RAB3GAP1: variants seen among roughly 807,000 people sequenced by gnomAD.
The protein encoded by RAB3GAP1 is RAB3 GTPase activating protein catalytic subunit 1.
In RAB3GAP1, 86 loss-of-function variants were observed where a neutral mutation model predicts 130.7. The observed-to-expected ratio is 0.66, with a 90% CI of 0.55 to 0.79. The LOEUF is 0.79. Ranked by LOEUF, RAB3GAP1 falls within the 30% of genes least tolerant of loss-of-function variation. RAB3GAP1 has a pLI of 0.00. For missense variants in RAB3GAP1, 1,029 were observed against 1,169.4 expected (o/e 0.88, Z 1.75); for synonymous variants, 367 against 401.7 (o/e 0.91, Z 1.03).
At chr2:135,127,261 A>G (rs1277457000) in intron 11 of RAB3GAP1, among the ~76,000 whole-genome samples, 1 of 116,878 alleles carries the variant, frequency 8.6e-6, no homozygotes, top group Non-Finnish European at 1.8e-5. Context: ...TGCATCTTCT[A>G]TTTCTGTTAT....
At chr2:135,054,771 T>C (rs1358232769) in intron 2 of RAB3GAP1, among the ~76,000 whole-genome samples, 2 of 152,232 alleles carry the variant, frequency 1.3e-5, no homozygotes, top group African/African-American at 4.8e-5. Flanking sequence ...CATATGGAAA[T>C]AATTATTAAC....
chr2:135,086,553 T>TA (rs999609081), intron 3 of RAB3GAP1, among the ~76,000 whole-genome samples: 1 of 152,114 alleles, frequency 6.6e-6, no homozygotes, highest in Admixed American at 6.5e-5. Flanking sequence ...TTTTGCTCAT[T>TA]AAAAAATTTG....
chr2:135,168,716 A>T lies in RAB3GAP1; in HGVS notation c.2881A>T (p.Ser961Cys). 1 of 1,614,178 alleles carries T rather than the reference A, an allele frequency of 6.2e-7. No individual in the cohort carries two copies. Among genetic ancestry groups the T allele is most frequent in the South Asian group, 1.1e-5 (1 of 91,086 alleles). The change falls in exon 24 of 24, where the codon AGT (serine) becomes TGT (cysteine). Residue 961 changes from serine to cysteine, a missense_variant. By Grantham distance (112) the Ser-to-Cys change is moderately radical. Transcript: ENST00000264158. Reference sequence around the variant, plus strand: ...CAAAGCTCTGCCTCAGCGGATGTACAGTGTTCTCACCAAAGAGGACTTTAG... The same window carrying T: ...CAAAGCTCTGCCTCAGCGGATGTACTGTGTTCTCACCAAAGAGGACTTTAG... ...YSKALPQRMY[S>C]VLTKEDFRLA...
At chr2:135,070,411 A>C (rs1300692577) in intron 3 of RAB3GAP1, among the ~76,000 whole-genome samples, 1 of 152,224 alleles carries the variant, frequency 6.6e-6, no homozygotes, top group Non-Finnish European at 1.5e-5. Context: ...GAAGGACTTT[A>C]CCATGGTATA....
intron 18 of RAB3GAP1, among the ~76,000 whole-genome samples, chr2:135,151,955 A>G: frequency 6.6e-6 from 1 of 152,170 alleles, no homozygotes; most frequent in Non-Finnish European, 1.5e-5. Context: ...TTCCTCTAAC[A>G]CTGCACTTCA....
At chr2:135,154,459 C>G (rs1035123342) in intron 19 of RAB3GAP1, among the ~76,000 whole-genome samples, 6 of 150,614 alleles carry the variant, frequency 4.0e-5, no homozygotes, top group African/African-American at 1.5e-4. Context: ...GTAAATAAAT[C>G]CATGCATTCA....
rs1368370630 is a variant in RAB3GAP1, at chr2:135,117,642, TCTTCTG to T, written c.648+2273_648+2278del. Reference sequence around the variant, plus strand: ...TTCTGCTTCTTCTGCTTCTGCTTCTTCTTCTGCTTCTGCTTCTTCTGCTTCTGCTTC... The same window carrying T: ...TTCTGCTTCTTCTGCTTCTGCTTCTTCTTCTGCTTCTTCTGCTTCTGCTTC... On this transcript the variant is annotated intron_variant, in intron 7 of 23. Transcript: ENST00000264158. 1.6e-3 allele frequency among the ~76,000 whole-genome samples: 227 copies of T among 145,594 alleles called. 1 individual carries two copies. Among genetic ancestry groups the T allele is most frequent in the Non-Finnish European group, 2.9e-3 (190 of 66,494 alleles).
chr2:135,082,521 A>G (rs941032721), intron 3 of RAB3GAP1, among the ~76,000 whole-genome samples: 4 of 151,402 alleles, frequency 2.6e-5, no homozygotes, highest in East Asian at 2.0e-4. Flanking sequence ...GCTCAGTGCA[A>G]CCTTCGCCTC....
intron 5 of RAB3GAP1, 61 bp downstream of exon 5, chr2:135,093,754 TC>T: frequency 8.1e-7 from 1 of 1,227,050 alleles, no homozygotes; most frequent in Non-Finnish European, 1.2e-6. Flanking sequence ...CTCAACACTG[TC>T]CCCAAGTTCA....
intron 23 of RAB3GAP1, among the ~76,000 whole-genome samples, chr2:135,165,419 T>TTACAC (rs1461441257): frequency 6.6e-6 from 1 of 152,208 alleles, no homozygotes; most frequent in Non-Finnish European, 1.5e-5. Flanking sequence ...GGCACTGTGA[T>TTACAC]TACACTAGAA....
At chr2:135,070,995 T>C (rs546998307) in intron 3 of RAB3GAP1, among the ~76,000 whole-genome samples, 3 of 152,364 alleles carry the variant, frequency 2.0e-5, no homozygotes, top group East Asian at 3.9e-4. Context: ...TAAAAATTAA[T>C]GTATTTCATG....
chr2:135,066,210 G>A (rs1477147246), intron 3 of RAB3GAP1, among the ~76,000 whole-genome samples: 1 of 152,110 alleles, frequency 6.6e-6, no homozygotes, highest in African/African-American at 2.4e-5. Context: ...GCTTCTGCCT[G>A]CATTTGGTCT....
intron 2 of RAB3GAP1, among the ~76,000 whole-genome samples, chr2:135,053,689 T>C (rs1688939042): frequency 6.6e-6 from 1 of 152,204 alleles, no homozygotes; most frequent in Non-Finnish European, 1.5e-5. Flanking sequence ...TGGCAAGACT[T>C]CATTGAGTAG....
At chr2:135,112,025 A>T (rs976547246) in intron 5 of RAB3GAP1, among the ~76,000 whole-genome samples, 2 of 152,244 alleles carry the variant, frequency 1.3e-5, no homozygotes, top group African/African-American at 4.8e-5. Flanking sequence ...TAAAGGAGGC[A>T]TCCAGCTCTG....
At chr2:135,174,238 A>G (rs1692940899), downstream of RAB3GAP1, among the ~76,000 whole-genome samples, 1 of 151,682 alleles carries the variant, frequency 6.6e-6, no homozygotes, top group South Asian at 2.1e-4. Context: ...AAGACCCCCA[A>G]CTTGGGACCC....
chr2:135,058,078 C>T lies in RAB3GAP1; in HGVS notation c.142C>T (p.Leu48Phe), dbSNP rs781684238. ...KLIGNSLGKP[L>F]EKGIFTSGTW... is the part of the protein sequence containing the mutation. Reference sequence around the variant, plus strand: ...GATTGGAAACTCTTTGGGAAAGCCACTCGAAAAGGTCAGATCTATTTGCTG... The same window carrying T: ...GATTGGAAACTCTTTGGGAAAGCCATTCGAAAAGGTCAGATCTATTTGCTG... Residue 48 changes from leucine to phenylalanine, a missense_variant, in exon 3 of 24, where the codon CTC becomes TTC. By Grantham distance (22) the Leu-to-Phe change is conservative (BLOSUM62 0). Coordinates refer to ENST00000264158, the MANE Select transcript of RAB3GAP1 (RefSeq NM_012233.3). The T allele has an allele frequency of 6.2e-7, 1 of 1,609,526 alleles. No homozygotes were observed. The highest frequency in any genetic ancestry group is 8.5e-7 in the Non-Finnish European group (1 of 1,175,994).
intron 17 of RAB3GAP1, among the ~76,000 whole-genome samples, chr2:135,146,943 G>C (rs1692012624): frequency 6.6e-6 from 1 of 150,586 alleles, no homozygotes; most frequent in South Asian, 2.1e-4. Flanking sequence ...TCAGTATGTT[G>C]ATTATGTGAT....
chr2:135,136,072 T>C (rs1490811848), intron 17 of RAB3GAP1, 140 bp downstream of exon 17: 1 of 1,157,848 alleles, frequency 8.6e-7, no homozygotes, highest in Non-Finnish European at 1.3e-6. Context: ...ACGCCTGTAA[T>C]CCCAGCACTT....
intron 3 of RAB3GAP1, 137 bp downstream of exon 3, chr2:135,058,223 T>G: frequency 1.4e-6 from 1 of 726,836 alleles, no homozygotes; most frequent in African/African-American, 1.8e-5. Flanking sequence ...AAATAGCATT[T>G]GGAAGAATTT....
Sources: gnomAD v4.1 joint callset for allele counts (sites outside exome capture counted in the v4.1 genomes callset) on GRCh38, gnomAD v4.1.1 for gene constraint, MANE v1.5 for transcripts, NCBI Gene and HGNC (gene_info 2026-07-23, HGNC 2026-07-21) for gene names.